ST8SIA1: variants seen among roughly 807,000 people sequenced by gnomAD.
ST8SIA1 encodes ST8 alpha-N-acetyl-neuraminide alpha-2,8-sialyltransferase 1.
Under a neutral mutation model 35.9 loss-of-function variants are expected in ST8SIA1, and 16 were observed. The observed-to-expected ratio is 0.45, with a 90% confidence interval of 0.30 to 0.68. ST8SIA1 has a LOEUF of 0.68. Among genes scored for constraint, ST8SIA1 ranks in the 30% least tolerant of loss-of-function variants. The pLI is 0.09. For synonymous variants in ST8SIA1, 170 were observed against 169.6 expected, an observed-to-expected ratio of 1.00 and a Z score of -0.02; for missense variants, 383 against 453.6, an observed-to-expected ratio of 0.84 and a Z score of 1.41.
At chr12:22,297,999 G>T (rs1433306222) in intron 1 of ST8SIA1, among the ~76,000 whole-genome samples, 2 of 152,078 alleles carry the variant, frequency 1.3e-5, no homozygotes, top group East Asian at 3.9e-4. Flanking sequence ...GTGGCTAATG[G>T]TTTAATCAAT....
intron 1 of ST8SIA1, among the ~76,000 whole-genome samples, chr12:22,304,119 T>A (rs58294932): frequency 0.013 from 1,908 of 152,260 alleles, 48 homozygotes; most frequent in African/African-American, 0.043. Flanking sequence ...CCTTTCTGGT[T>A]TGATACTTGG....
intron 4 of ST8SIA1, among the ~76,000 whole-genome samples, chr12:22,204,195 C>G (rs1191854365): frequency 2.0e-5 from 3 of 151,608 alleles, no homozygotes; most frequent in Non-Finnish European, 4.4e-5. Context: ...AAAAAATCAA[C>G]CTCTCCATCT....
At chr12:22,273,101 G>A (rs73084948) in intron 2 of ST8SIA1, among the ~76,000 whole-genome samples, 23,469 of 152,100 alleles carry the variant, frequency 0.15, 1,865 homozygotes, top group Middle Eastern at 0.25. Context: ...ATAATGACAG[G>A]AGGCAGACAA....
intron 4 of ST8SIA1, among the ~76,000 whole-genome samples, chr12:22,213,203 C>A (rs1381737396): frequency 6.6e-6 from 1 of 152,088 alleles, no homozygotes; most frequent in African/African-American, 2.4e-5. Flanking sequence ...ACCAAATTAT[C>A]CTTAAAAACC....
chr12:22,293,711 T>C (rs377269974), intron 1 of ST8SIA1, among the ~76,000 whole-genome samples: 2 of 152,226 alleles, frequency 1.3e-5, no homozygotes, highest in South Asian at 4.1e-4. Flanking sequence ...AATACAACTT[T>C]GTTTGCTTCA....
intron 1 of ST8SIA1, among the ~76,000 whole-genome samples, chr12:22,290,161 T>A (rs1202722476): frequency 1.3e-5 from 2 of 152,186 alleles, no homozygotes; most frequent in Non-Finnish European, 2.9e-5. Context: ...CTATTTGCAA[T>A]ATGAGTGGTT....
intron 2 of ST8SIA1, among the ~76,000 whole-genome samples, chr12:22,284,788 C>T (rs1866078703): frequency 1.3e-5 from 2 of 152,182 alleles, no homozygotes; most frequent in Non-Finnish European, 2.9e-5. Flanking sequence ...ACAGACTTTA[C>T]AAAGTAAATG....
chr12:22,329,226 G>C (rs1866725402), intron 1 of ST8SIA1, among the ~76,000 whole-genome samples: 1 of 152,152 alleles, frequency 6.6e-6, no homozygotes, highest in African/African-American at 2.4e-5. Flanking sequence ...ATGAGGTTTA[G>C]AATTAAATAG....
At chr12:22,274,687 C>A (rs61921825) in intron 2 of ST8SIA1, among the ~76,000 whole-genome samples, 14,089 of 152,232 alleles carry the variant, frequency 0.093, 793 homozygotes, top group East Asian at 0.15. Context: ...CCATCACACA[C>A]GCCACGCTCT....
intron 4 of ST8SIA1, among the ~76,000 whole-genome samples, chr12:22,203,142 G>C (rs1463318362): frequency 6.6e-6 from 1 of 152,096 alleles, no homozygotes; most frequent in Non-Finnish European, 1.5e-5. Context: ...GAAGAGGCTG[G>C]TAGCCTGGAG....
At chr12:22,330,408 A>G (rs1477620599) in intron 1 of ST8SIA1, among the ~76,000 whole-genome samples, 1 of 152,178 alleles carries the variant, frequency 6.6e-6, no homozygotes, top group East Asian at 1.9e-4. Context: ...CCCAATTTAC[A>G]AATGGAGGAA....
At chr12:22,302,670 A>T (rs2135826017) in intron 1 of ST8SIA1, among the ~76,000 whole-genome samples, 1 of 152,318 alleles carries the variant, frequency 6.6e-6, no homozygotes, top group Admixed American at 6.5e-5. Context: ...GGAAAATGTC[A>T]AAGGAAAATA....
Position 22,315,213 on chromosome 12 carries a change from A to G in ST8SIA1, c.236+18784T>C, listed in dbSNP as rs746982431. Among the ~76,000 whole-genome samples, 8 of 152,206 alleles carry G rather than the reference A, an allele frequency of 5.3e-5. 1 individual carries two copies. The highest frequency in any genetic ancestry group is 7.3e-5 in the Non-Finnish European group (5 of 68,034). ...AATAATGACTCGTTGAATTTAAAAA[A>G]AAAAAGTGCTAAACAGAGTTGTAAA... On this transcript the variant is annotated intron_variant, in intron 1 of 4. Coordinates refer to ENST00000396037, the MANE Select transcript of ST8SIA1 (RefSeq NM_003034.4).
At chr12:22,217,014 T>TA (rs1865240734) in intron 4 of ST8SIA1, among the ~76,000 whole-genome samples, 1 of 152,250 alleles carries the variant, frequency 6.6e-6, no homozygotes, top group Admixed American at 6.5e-5. Context: ...ATAGCACCCT[T>TA]AAATACAAAT....
At chr12:22,297,130 C>T (rs1023376470) in intron 1 of ST8SIA1, among the ~76,000 whole-genome samples, 2 of 151,680 alleles carry the variant, frequency 1.3e-5, no homozygotes, top group African/African-American at 4.9e-5. Flanking sequence ...TGTAATGACA[C>T]CTAGATCTGA....
chr12:22,320,761 G>A (rs1303596115), intron 1 of ST8SIA1, among the ~76,000 whole-genome samples: 1 of 150,866 alleles, frequency 6.6e-6, no homozygotes, highest in East Asian at 1.9e-4. Flanking sequence ...CTTGAGCCCA[G>A]CAGGGCTGCA....
At chr12:22,268,923 T>C (rs573580021) in intron 2 of ST8SIA1, among the ~76,000 whole-genome samples, 1 of 152,284 alleles carries the variant, frequency 6.6e-6, no homozygotes, top group African/African-American at 2.4e-5. Context: ...TTTCAAGTGA[T>C]ACTAAAAATC....
chr12:22,239,748 G>A (rs1865519157), intron 4 of ST8SIA1, among the ~76,000 whole-genome samples: 1 of 152,148 alleles, frequency 6.6e-6, no homozygotes, highest in South Asian at 2.1e-4. Flanking sequence ...AACATAGTAT[G>A]TGAGAATTCT....
At chr12:22,202,989 G>A (rs373803380) in intron 4 of ST8SIA1, among the ~76,000 whole-genome samples, 4 of 152,226 alleles carry the variant, frequency 2.6e-5, no homozygotes, top group East Asian at 1.9e-4. Flanking sequence ...TTCGAAAAAC[G>A]TCTTATATCT....
Sources: gnomAD v4.1 joint callset for allele counts (sites outside exome capture counted in the v4.1 genomes callset) on GRCh38, gnomAD v4.1.1 for gene constraint, MANE v1.5 for transcripts, NCBI Gene and HGNC (gene_info 2026-07-23, HGNC 2026-07-21) for gene names.